Variants in SEMA5A observed in about 807,000 individuals in gnomAD.
SEMA5A encodes semaphorin-5A.
A neutral mutation model predicts 135.5 loss-of-function variants in SEMA5A; 55 were observed. The observed-to-expected ratio is 0.41, with a 90% CI of 0.33 to 0.51. The LOEUF (loss-of-function observed/expected upper bound fraction) is 0.51, where lower values mean the gene tolerates loss of function less well. Ranked by LOEUF, SEMA5A falls within the 20% of genes least tolerant of loss-of-function variation. The probability of loss-of-function intolerance (pLI) is 0.37; values close to 1 mark genes in which losing one functional copy is unlikely to be tolerated. For synonymous variants in SEMA5A, 580 were observed against 546.5 expected (o/e 1.06, Z -0.85); for missense variants, 1,290 against 1,419.9 (o/e 0.91, Z 1.47).
intron 4 of SEMA5A, among the ~76,000 whole-genome samples, chr5:9,323,819 G>T (rs937592653): frequency 6.6e-6 from 1 of 150,714 alleles, no homozygotes; most frequent in Non-Finnish European, 1.5e-5. Context: ...ATGCCACCAC[G>T]CCTGACTAAT....
At chr5:9,271,333 A>C (rs545378902) in intron 5 of SEMA5A, among the ~76,000 whole-genome samples, 8 of 152,210 alleles carry the variant, frequency 5.3e-5, no homozygotes, top group African/African-American at 1.9e-4. Context: ...TTCATAAATT[A>C]CCCATTCTCA....
At chr5:9,286,442 G>C (rs546514130) in intron 5 of SEMA5A, among the ~76,000 whole-genome samples, 1 of 151,452 alleles carries the variant, frequency 6.6e-6, no homozygotes, top group Non-Finnish European at 1.5e-5. Context: ...TCTATCTCCC[G>C]GACCATATTA....
chr5:9,523,474 A>G (rs1579682750), intron 1 of SEMA5A, among the ~76,000 whole-genome samples: 1 of 152,344 alleles, frequency 6.6e-6, no homozygotes, highest in African/African-American at 2.4e-5. Context: ...ATTGTGTAAA[A>G]TTGTTTACAA....
chr5:9,064,968 T>C (rs1436740077), intron 17 of SEMA5A, among the ~76,000 whole-genome samples: 1 of 152,228 alleles, frequency 6.6e-6, no homozygotes, highest in African/African-American at 2.4e-5. Flanking sequence ...TCTCTTGGTA[T>C]TTCATCATAT....
chr5:9,439,518 A>G (rs1021823200), intron 1 of SEMA5A, among the ~76,000 whole-genome samples: 7 of 152,230 alleles, frequency 4.6e-5, no homozygotes, highest in Non-Finnish European at 8.8e-5. Context: ...TCTCAGAACT[A>G]CATTAAAAAC....
At chr5:9,493,936 G>T (rs1735167776) in intron 1 of SEMA5A, among the ~76,000 whole-genome samples, 1 of 152,076 alleles carries the variant, frequency 6.6e-6, no homozygotes, top group Non-Finnish European at 1.5e-5. Context: ...AGAATGTAAG[G>T]TTACCATAAC....
chr5:9,462,760 G>T (rs544115944), intron 1 of SEMA5A, among the ~76,000 whole-genome samples: 1 of 152,212 alleles, frequency 6.6e-6, no homozygotes, highest in African/African-American at 2.4e-5. Flanking sequence ...TCACTTATAA[G>T]TGGGAGCTAA....
In SEMA5A at chr5:9,256,188, G is replaced by GA. The variant is rs562535772; in HGVS notation, c.271-18299dup. ...TCACCCAAAAGTATCTTTTTAATAA[G>GA]AAAAATAGATGATGTTTAATACCTT... On this transcript the variant is annotated intron_variant, in intron 5 of 22. Transcript: ENST00000382496. 7.2e-4 allele frequency among the ~76,000 whole-genome samples: 110 copies of GA among 152,198 alleles called. 1 individual carries two copies. In the South Asian group the frequency reaches 0.021, roughly 30 times the overall value.
intron 3 of SEMA5A, among the ~76,000 whole-genome samples, chr5:9,341,484 G>A (rs2150729185): frequency 6.6e-6 from 1 of 151,860 alleles, no homozygotes; most frequent in South Asian, 2.1e-4. Context: ...GGAGCAGGAG[G>A]GGGTCCACAG....
intron 3 of SEMA5A, among the ~76,000 whole-genome samples, chr5:9,368,971 A>G (rs976415082): frequency 3.9e-5 from 6 of 152,208 alleles, no homozygotes; most frequent in African/African-American, 1.4e-4. Flanking sequence ...GAAATGTCAC[A>G]TTTCCCAAGT....
intron 1 of SEMA5A, among the ~76,000 whole-genome samples, chr5:9,450,266 A>T (rs1464609507): frequency 6.6e-6 from 1 of 152,204 alleles, no homozygotes; most frequent in African/African-American, 2.4e-5. Flanking sequence ...GCCAATAGGG[A>T]CCAAGAAGGA....
chr5:9,457,281 C>T (rs1037910785), intron 1 of SEMA5A, among the ~76,000 whole-genome samples: 2 of 152,198 alleles, frequency 1.3e-5, no homozygotes, highest in African/African-American at 2.4e-5. Context: ...GAGTAGAAAT[C>T]GCACCATGAT....
chr5:9,360,215 T>C (rs1382879823), intron 3 of SEMA5A, among the ~76,000 whole-genome samples: 1 of 152,180 alleles, frequency 6.6e-6, no homozygotes, highest in African/African-American at 2.4e-5. Context: ...GCATCAGGTA[T>C]GCACACACCT....
intron 1 of SEMA5A, among the ~76,000 whole-genome samples, chr5:9,522,298 G>A (rs1274606003): frequency 6.6e-6 from 1 of 152,168 alleles, no homozygotes. Context: ...AAGAGGAGAA[G>A]TAGGAGGGGA....
chr5:9,056,286 C>T (rs1341993912), intron 18 of SEMA5A, among the ~76,000 whole-genome samples: 2 of 152,208 alleles, frequency 1.3e-5, no homozygotes, highest in African/African-American at 2.4e-5. Context: ...TATCACCTCA[C>T]ACCTGCCAAA....
chr5:9,098,899 T>C (rs1454764573), intron 16 of SEMA5A, among the ~76,000 whole-genome samples: 1 of 152,230 alleles, frequency 6.6e-6, no homozygotes, highest in Admixed American at 6.5e-5. Context: ...ACTTTTACAG[T>C]AGGAAATCTC....
intron 14 of SEMA5A, among the ~76,000 whole-genome samples, chr5:9,120,872 G>A (rs901434774): frequency 8.6e-5 from 13 of 151,556 alleles, no homozygotes; most frequent in Middle Eastern, 3.2e-3. Flanking sequence ...TCCGCCTGCT[G>A]GGTTCAAGAG....
chr5:9,155,267 C>A lies in SEMA5A; in HGVS notation c.1274-572G>T, dbSNP rs184968363. ...TGCTCTTTGGGATGATTTTCTTGGG[C>A]TCAACTCCTCCAAACTTTCTTTCTT... is the stretch of plus-strand genomic sequence containing the variant. On this transcript the variant is annotated intron_variant, in intron 11 of 22. Transcript: ENST00000382496. 4.6e-5 allele frequency among the ~76,000 whole-genome samples: 7 copies of A among 152,228 alleles called. No individual in the cohort carries two copies. In the East Asian group the frequency reaches 1.4e-3, roughly 30 times the overall value.
chr5:9,274,319 A>G (rs1750142792), intron 5 of SEMA5A, among the ~76,000 whole-genome samples: 1 of 152,142 alleles, frequency 6.6e-6, no homozygotes. Context: ...GCAATACAGG[A>G]GCACCCAGAT....
Sources: gnomAD v4.1 joint callset for allele counts (sites outside exome capture counted in the v4.1 genomes callset) on GRCh38, gnomAD v4.1.1 for gene constraint, MANE v1.5 for transcripts, NCBI Gene and HGNC (gene_info 2026-07-23, HGNC 2026-07-21) for gene names.